The following SLC43A2 variants were observed in gnomAD, a reference collection of about 807,000 sequenced individuals.
SLC43A2 encodes the protein solute carrier family 43 member 2.
A neutral mutation model predicts 63.2 loss-of-function variants in SLC43A2; 38 were observed. The observed-to-expected ratio is 0.60, with a 90% CI of 0.46 to 0.79. SLC43A2 has a LOEUF of 0.79. SLC43A2 is among the 30% of genes least tolerant of loss of function. The pLI is 0.00. For synonymous variants in SLC43A2, 322 were observed against 331.0 expected (o/e 0.97, Z 0.30); for missense variants, 644 against 756.2 (o/e 0.85, Z 1.74).
In SLC43A2 at chr17:1,605,210, A is replaced by C. The variant is rs376438864; in HGVS notation, c.501+7985T>G. The C allele has an allele frequency of 2.1e-5, 24 of 1,123,982 alleles. No individual in the cohort carries two copies. The East Asian group carries it at 1.0e-3, about 49-fold the overall frequency. 69.6% of individuals were successfully genotyped at this position (1,123,982 alleles called of 1,614,324 possible). On this transcript the variant is annotated intron_variant, in intron 5 of 13. Coordinates refer to ENST00000301335, the MANE Select transcript of SLC43A2 (RefSeq NM_152346.3). This position sits in a 1 kb window ranked among gnomAD's most constrained non-coding sequence, Gnocchi z 4.9. Reference sequence around the variant, plus strand: ...TCACTCACTGCCTCCACGCAGCCTCAGTCACACAGGGAAGCCCGTGACTCT... The same window carrying C: ...TCACTCACTGCCTCCACGCAGCCTCCGTCACACAGGGAAGCCCGTGACTCT...
chr17:1,586,928 T>TGGCCCCCGC, intron 9 of SLC43A2: 1 of 1,232,916 alleles, frequency 8.1e-7, no homozygotes, highest in Non-Finnish European at 1.1e-6. Context: ...TCCCTGACAA[T>TGGCCCCCGC]CCCCCCCACC....
chr17:1,586,928 T>TGGGCGCCCCCCCCC, intron 9 of SLC43A2: 1 of 1,232,908 alleles, frequency 8.1e-7, no homozygotes, highest in Non-Finnish European at 1.1e-6. Flanking sequence ...TCCCTGACAA[T>TGGGCGCCCCCCCCC]CCCCCCCACC....
At chr17:1,576,070 GTTCT>G (rs2075923967) in intron 13 of SLC43A2, among the ~76,000 whole-genome samples, 1 of 128,476 alleles carries the variant, frequency 7.8e-6, no homozygotes, top group Non-Finnish European at 1.6e-5. Context: ...CAGGAACTGT[GTTCT>G]TTTTTTTTTT....
Position 1,616,433 on chromosome 17 carries a change from T to C in SLC43A2, c.368+129A>G, listed in dbSNP as rs571916127. On this transcript the variant is annotated intron_variant, in intron 3 of 13. Coordinates refer to ENST00000301335, the MANE Select transcript of SLC43A2 (RefSeq NM_152346.3). Reference sequence around the variant, plus strand: ...GGTGGCGGACGGGGTAGGAACTCCATTCTGGAGGGCCTTCAGGGAGCTCCA... The same window carrying C: ...GGTGGCGGACGGGGTAGGAACTCCACTCTGGAGGGCCTTCAGGGAGCTCCA... 5.6e-5 allele frequency: 50 copies of C among 887,990 alleles called. 1 individual carries two copies. Among genetic ancestry groups the C allele is most frequent in the Middle Eastern group, 3.5e-4 (1 of 2,882 alleles). 55.0% of individuals were successfully genotyped at this position (887,990 alleles called of 1,614,324 possible).
At chr17:1,598,900 C>T (rs904542852) in intron 5 of SLC43A2, among the ~76,000 whole-genome samples, 4 of 152,230 alleles carry the variant, frequency 2.6e-5, no homozygotes, top group Non-Finnish European at 4.4e-5. Flanking sequence ...CCGCCTGGAA[C>T]ATTCTTACCA....
At chr17:1,615,136 C>A in intron 3 of SLC43A2, 102 bp from the exon 4 acceptor site, 2 of 1,369,264 alleles carry the variant, frequency 1.5e-6, no homozygotes, top group Non-Finnish European at 2.0e-6. Flanking sequence ...GAGACAGAGC[C>A]TTGCTCTGTC....
At chr17:1,609,979 G>A (rs770515055) in intron 5 of SLC43A2, among the ~76,000 whole-genome samples, 6 of 151,506 alleles carry the variant, frequency 4.0e-5, no homozygotes, top group Non-Finnish European at 7.4e-5. Context: ...CCGCGGTCTC[G>A]GCTCACTGCA....
chr17:1,605,003 A>G lies in SLC43A2; in HGVS notation c.501+8192T>C. On this transcript the variant is annotated intron_variant, in intron 5 of 13. Transcript: ENST00000301335. This position sits in a 1 kb window ranked among gnomAD's most constrained non-coding sequence, Gnocchi z 4.9. ...GGGCCTCGAGGGCTGGCGGAGGGGA[A>G]GGACCCCAGGAGGGGAAGGACCAGC... 1.4e-6 allele frequency: 2 copies of G among 1,438,854 alleles called. No individual in the cohort carries two copies. Among genetic ancestry groups the G allele is most frequent in the Non-Finnish European group, 1.8e-6 (2 of 1,097,010 alleles). 89.1% of individuals were successfully genotyped at this position (1,438,854 alleles called of 1,614,324 possible). A position where few individuals can be genotyped will look rare whatever the true frequency, so the allele number is the denominator to read the frequency against.
Position 1,605,708 on chromosome 17 carries a change from T to C in SLC43A2, c.501+7487A>G, listed in dbSNP as rs1906545121. Reference sequence around the variant, plus strand: ...GCTGGAGTACACACCCAGAGTTCTGTACAACCTGCACAGGCCGGGATCCCG... The same window carrying C: ...GCTGGAGTACACACCCAGAGTTCTGCACAACCTGCACAGGCCGGGATCCCG... On this transcript the variant is annotated intron_variant, in intron 5 of 13. Transcript: ENST00000301335. This position sits in a 1 kb window ranked among gnomAD's most constrained non-coding sequence, Gnocchi z 4.9. Among the ~76,000 whole-genome samples the C allele has an allele frequency of 6.6e-6, 1 of 152,122 alleles. No homozygotes were observed. The highest frequency in any genetic ancestry group is 1.5e-5 in the Non-Finnish European group (1 of 68,006).
intron 9 of SLC43A2, among the ~76,000 whole-genome samples, chr17:1,589,260 C>T (rs1904522195): frequency 6.6e-6 from 1 of 152,158 alleles, no homozygotes; most frequent in Admixed American, 6.5e-5. Flanking sequence ...CTTTCGAGGG[C>T]CAGGGACCAG....
At chr17:1,576,765 T>G (rs1424363193) in intron 12 of SLC43A2, 45 bp from the exon 13 acceptor site, 1 of 1,595,576 alleles carries the variant, frequency 6.3e-7, no homozygotes, top group Non-Finnish European at 8.5e-7. Context: ...CTCCTGGGCT[T>G]TGCTTGGCCC....
At chr17:1,622,770 C>T (rs1356831113) in intron 2 of SLC43A2, among the ~76,000 whole-genome samples, 4 of 151,772 alleles carry the variant, frequency 2.6e-5, no homozygotes, top group Admixed American at 6.6e-5. Context: ...AAAAATTAGC[C>T]GGGTGTGGTG....
intron 2 of SLC43A2, among the ~76,000 whole-genome samples, chr17:1,622,965 G>C (rs1416006720): frequency 6.6e-6 from 1 of 152,024 alleles, no homozygotes; most frequent in Non-Finnish European, 1.5e-5. Context: ...AATTAGCCGG[G>C]TATGGTGGCA....
intron 4 of SLC43A2, among the ~76,000 whole-genome samples, chr17:1,614,411 T>TAAAACAAAAC (rs71375517): frequency 0.49 from 73,603 of 150,056 alleles, 19,946 homozygotes; most frequent in Non-Finnish European, 0.63. Context: ...ACCCTGTCTC[T>TAAAACAAAAC]AAAACAAAAC....
intron 2 of SLC43A2, among the ~76,000 whole-genome samples, chr17:1,617,539 T>C (rs1332576548): frequency 2.0e-5 from 3 of 152,072 alleles, no homozygotes; most frequent in Admixed American, 1.3e-4. Context: ...TACAGGCACC[T>C]GCCACCGCGC....
chr17:1,608,692 C>T (rs1205119716), intron 5 of SLC43A2, among the ~76,000 whole-genome samples: 1 of 152,144 alleles, frequency 6.6e-6, no homozygotes, highest in African/African-American at 2.4e-5. Flanking sequence ...CCGCACCCGG[C>T]CACCGCAGTG....
chr17:1,625,569 G>A (rs1334128329), intron 2 of SLC43A2, among the ~76,000 whole-genome samples: 1 of 152,052 alleles, frequency 6.6e-6, no homozygotes, highest in African/African-American at 2.4e-5. Flanking sequence ...CCCTAACTTC[G>A]CCAGGCACTC....
rs2075873281 is a variant in SLC43A2 at position 1,573,240 on chromosome 17, G to A, written c.*2364C>T. On this transcript the variant is annotated 3_prime_UTR_variant, in exon 14 of 14. Transcript: ENST00000301335. ...GCTGGCAGCACCCTGGCTAGTTAGGGTTTCTCCGAATCTGCAACTCCTGTG... is the reference window on the plus strand; with the variant it reads ...GCTGGCAGCACCCTGGCTAGTTAGGATTTCTCCGAATCTGCAACTCCTGTG... 1 of 151,940 alleles carries A rather than the reference G, an allele frequency of 6.6e-6. No homozygotes were observed. Among genetic ancestry groups the A allele is most frequent in the South Asian group, 2.1e-4 (1 of 4,832 alleles). 9.4% of individuals were successfully genotyped at this position (151,940 alleles called of 1,614,324 possible).
intron 2 of SLC43A2, among the ~76,000 whole-genome samples, chr17:1,623,937 C>G (rs908273450): frequency 1.3e-5 from 2 of 152,168 alleles, no homozygotes; most frequent in African/African-American, 4.8e-5. Flanking sequence ...CCACCTGAAC[C>G]GCAGAGAGGC....
Sources: gnomAD v4.1 joint callset for allele counts (sites outside exome capture counted in the v4.1 genomes callset) on GRCh38, gnomAD v4.1.1 for gene constraint, Gnocchi (gnomAD v3.1) non-coding constraint, MANE v1.5 for transcripts, NCBI Gene and HGNC (gene_info 2026-07-23, HGNC 2026-07-21) for gene names.